Variants in SHISA6 observed in about 807,000 individuals in gnomAD.
SHISA6 encodes protein shisa-6.
In SHISA6, 22 loss-of-function variants were observed where a neutral mutation model predicts 47.9. That is an observed-to-expected ratio of 0.46 (90% CI 0.33 to 0.66). The LOEUF is 0.66. SHISA6 is among the 30% of genes least tolerant of loss of function. SHISA6 has a pLI of 0.02. For missense variants in SHISA6, 680 were observed against 764.6 expected, an observed-to-expected ratio of 0.89 and a Z score of 1.30; for synonymous variants, 388 against 337.8, an observed-to-expected ratio of 1.15 and a Z score of -1.63.
intron 3 of SHISA6, among the ~76,000 whole-genome samples, chr17:11,470,242 G>T (rs553780912): frequency 2.6e-5 from 4 of 152,148 alleles, no homozygotes; most frequent in Non-Finnish European, 5.9e-5. Context: ...GTCTGTCAAG[G>T]TTCCAACTTA....
At position 11,557,939 on chromosome 17, in the gene SHISA6, G is replaced by A; in HGVS notation, c.1291G>A (p.Asp431Asn). ...CCTGTCCCCGGATCGGGGCCTGCCAGATGAGTTCAGCATGCCCTACGACCG... is the reference window on the plus strand; with the variant it reads ...CCTGTCCCCGGATCGGGGCCTGCCAAATGAGTTCAGCATGCCCTACGACCG... The part of the protein sequence containing the change: ...RVLSPDRGLP[D>N]EFSMPYDRIL... The change falls in exon 6 of 6, where the codon GAT becomes AAT. Residue 431 changes from aspartate to asparagine, a missense_variant. Asp to Asn is a conservative substitution (Grantham distance 23). This residue lies in a region of SHISA6 where 559 missense variants were observed against 674.1 expected (regional missense o/e 0.83). Coordinates refer to ENST00000441885, the MANE Select transcript of SHISA6 (RefSeq NM_207386.4). 6 of 1,551,560 alleles carry A rather than the reference G, an allele frequency of 3.9e-6. No individual in the cohort carries two copies. The highest frequency in any genetic ancestry group is 5.2e-6 in the Non-Finnish European group (6 of 1,146,954).
chr17:11,430,911 T>C (rs1279914185), intron 3 of SHISA6, among the ~76,000 whole-genome samples: 1 of 152,190 alleles, frequency 6.6e-6, no homozygotes, highest in East Asian at 1.9e-4. Flanking sequence ...TGAAAGAGGC[T>C]TAACGGAAGC....
At position 11,523,896 on chromosome 17, in the gene SHISA6, C is replaced by T. The variant is rs534177877; in HGVS notation, c.896-28000C>T. Among the ~76,000 whole-genome samples the T allele has an allele frequency of 3.9e-3, 598 of 152,160 alleles. 5 individuals are homozygous for T. Among genetic ancestry groups the T allele is most frequent in the African/African-American group, 0.013 (559 of 41,506 alleles). On this transcript the variant is annotated intron_variant, in intron 3 of 5. Coordinates refer to ENST00000441885, the MANE Select transcript of SHISA6 (RefSeq NM_207386.4). ...TGGCGCGTGCCTGTAATCCCAGTTA[C>T]TCAGGAGGCTGAGGCAGGAGAATCG...
At chr17:11,504,594 G>A (rs2071482726) in intron 3 of SHISA6, among the ~76,000 whole-genome samples, 1 of 152,182 alleles carries the variant, frequency 6.6e-6, no homozygotes, top group Admixed American at 6.5e-5. Flanking sequence ...GGCCCAGGCA[G>A]AAAAGAAGTG....
intron 2 of SHISA6, among the ~76,000 whole-genome samples, chr17:11,282,028 C>G (rs752821124): frequency 6.6e-6 from 1 of 152,134 alleles, no homozygotes; most frequent in Admixed American, 6.5e-5. Context: ...TGCTTGGTCT[C>G]TTGGAAGAAA....
intron 2 of SHISA6, among the ~76,000 whole-genome samples, chr17:11,297,365 G>T (rs1438642504): frequency 6.6e-6 from 1 of 152,148 alleles, no homozygotes; most frequent in Non-Finnish European, 1.5e-5. Flanking sequence ...AATAGCCCAA[G>T]ATAATTGTTC....
chr17:11,490,349 A>G (rs367732242), intron 3 of SHISA6, among the ~76,000 whole-genome samples: 2 of 152,256 alleles, frequency 1.3e-5, no homozygotes, highest in African/African-American at 4.8e-5. Context: ...GTAAGAGAAG[A>G]GGAAAAATGA....
chr17:11,555,726 C>T lies in SHISA6; in HGVS notation c.953-14C>T. 1 of 1,524,518 alleles carries T rather than the reference C, an allele frequency of 6.6e-7. No homozygotes were observed. The highest frequency in any genetic ancestry group is 2.5e-5 in the East Asian group (1 of 40,546). The allele number at this position is 1,524,518 out of a possible 1,614,324, so 94.4% of individuals were successfully genotyped here. A position where few individuals can be genotyped will look rare whatever the true frequency, so the allele number is the denominator to read the frequency against. ...GTCCTCATTAATACAAAACACCCCTCCCTTTTCTTGCAGAGAAGCCACGGA... is the reference window on the plus strand; with the variant it reads ...GTCCTCATTAATACAAAACACCCCTTCCTTTTCTTGCAGAGAAGCCACGGA... On this transcript the variant is annotated splice_polypyrimidine_tract_variant and intron_variant, in intron 4 of 5. Coordinates refer to ENST00000441885, the MANE Select transcript of SHISA6 (RefSeq NM_207386.4).
chr17:11,518,720 A>G (rs1179837367), intron 3 of SHISA6, among the ~76,000 whole-genome samples: 5 of 152,234 alleles, frequency 3.3e-5, no homozygotes, highest in Non-Finnish European at 7.3e-5. Flanking sequence ...GAATCACTAT[A>G]GGAATGCTGG....
chr17:11,262,196 A>G (rs866020845), intron 1 of SHISA6, among the ~76,000 whole-genome samples: 22 of 152,264 alleles, frequency 1.4e-4, no homozygotes, highest in Middle Eastern at 3.4e-3. Flanking sequence ...TTCCCCCACA[A>G]TTTACTCAGA....
intron 2 of SHISA6, among the ~76,000 whole-genome samples, chr17:11,297,985 T>C (rs1200312901): frequency 6.6e-6 from 1 of 152,186 alleles, no homozygotes; most frequent in Non-Finnish European, 1.5e-5. Context: ...GTGAGGTTAT[T>C]AGAGGTTGAG....
chr17:11,541,059 T>G (rs376665633), intron 3 of SHISA6, among the ~76,000 whole-genome samples: 4 of 152,254 alleles, frequency 2.6e-5, no homozygotes, highest in African/African-American at 7.2e-5. Flanking sequence ...TTCACTTCTC[T>G]GAACCTCTTT....
At chr17:11,484,182 T>C (rs960922696) in intron 3 of SHISA6, among the ~76,000 whole-genome samples, 1 of 152,138 alleles carries the variant, frequency 6.6e-6, no homozygotes, top group Non-Finnish European at 1.5e-5. Context: ...AAATAAATTC[T>C]GAAAAAGTAG....
intron 2 of SHISA6, among the ~76,000 whole-genome samples, chr17:11,328,207 G>C (rs1423146169): frequency 6.6e-6 from 1 of 152,106 alleles, no homozygotes; most frequent in Admixed American, 6.5e-5. Context: ...TCCTGGACTC[G>C]GGCCACACAC....
rs1052590621 is a variant in SHISA6 at position 11,559,337 on chromosome 17, C to T, written c.*1033C>T. ...GTGATGTGCGGGGTCTCGGGCTCAA[C>T]ATTCGCATCCTGCAGGGCTCCACCT... On this transcript the variant is annotated 3_prime_UTR_variant, in exon 6 of 6. Transcript: ENST00000441885. This position sits in a 1 kb window ranked among gnomAD's most constrained non-coding sequence, Gnocchi z 4.4. The T allele has an allele frequency of 6.6e-6, 1 of 152,464 alleles. No homozygotes were observed. The highest frequency in any genetic ancestry group is 2.1e-4 in the South Asian group (1 of 4,842). 9.4% of individuals were successfully genotyped at this position (152,464 alleles called of 1,614,324 possible).
rs1054773869 is a variant in SHISA6 at position 11,413,463 on chromosome 17, C to T, written c.895+33954C>T. Among the ~76,000 whole-genome samples, 16 of 152,178 alleles carry T rather than the reference C, an allele frequency of 1.1e-4. No individual in the cohort carries two copies. The East Asian group carries it at 2.5e-3, about 24-fold the overall frequency. On this transcript the variant is annotated intron_variant, in intron 3 of 5. Transcript: ENST00000441885. ...GAGGGAGGACAATACCACCAGACAC[C>T]GGCTTCTGTTTCTCTGTCCCTTCTT...
intron 3 of SHISA6, among the ~76,000 whole-genome samples, chr17:11,384,389 T>C (rs1913127185): frequency 6.6e-6 from 1 of 152,198 alleles, no homozygotes; most frequent in South Asian, 2.1e-4. Flanking sequence ...GCATGAACAC[T>C]AGATTGGCAG....
intron 2 of SHISA6, among the ~76,000 whole-genome samples, chr17:11,272,070 C>T (rs987946325): frequency 2.6e-5 from 4 of 152,128 alleles, no homozygotes; most frequent in African/African-American, 9.7e-5. Context: ...CTCCTCAGCC[C>T]ATCTCCTCCG....
At chr17:11,247,042 C>G (rs1907620217) in intron 1 of SHISA6, among the ~76,000 whole-genome samples, 1 of 152,162 alleles carries the variant, frequency 6.6e-6, no homozygotes, top group African/African-American at 2.4e-5. Flanking sequence ...TGGGAATCGA[C>G]TGCTAAGGTA....
Sources: allele counts gnomAD v4.1 joint callset (sites outside exome capture counted in the v4.1 genomes callset), GRCh38; gene constraint gnomAD v4.1.1; regional missense constraint gnomAD v4.1.1; non-coding constraint Gnocchi (gnomAD v3.1); transcripts MANE v1.5; gene names NCBI Gene and HGNC (gene_info 2026-07-23, HGNC 2026-07-21).